MYO16: variants seen among roughly 807,000 people sequenced by gnomAD.
The protein encoded by MYO16 is myosin XVI.
Under a neutral mutation model 205.3 loss-of-function variants are expected in MYO16, and 94 were observed. The ratio of observed to expected loss-of-function variants is 0.46; its 90% CI spans 0.39 to 0.54. The LOEUF (loss-of-function observed/expected upper bound fraction) is 0.54. MYO16 is among the 20% of genes least tolerant of loss of function. MYO16 has a pLI of 0.00. For missense variants in MYO16, 2,315 were observed against 2,387.5 expected, an observed-to-expected ratio of 0.97 and a Z score of 0.63; for synonymous variants, 988 against 954.0, an observed-to-expected ratio of 1.04 and a Z score of -0.66.
intron 23 of MYO16, among the ~76,000 whole-genome samples, chr13:109,029,116 T>TTC (rs1886467349): frequency 7.1e-6 from 1 of 141,138 alleles, no homozygotes; most frequent in Non-Finnish European, 1.5e-5. Context: ...TCTTTTCTTT[T>TTC]TTTTTTTTTT....
intron 1 of MYO16, among the ~76,000 whole-genome samples, chr13:108,660,641 C>G (rs931520435): frequency 1.3e-5 from 2 of 152,078 alleles, no homozygotes; most frequent in Admixed American, 6.6e-5. Context: ...TTTTTCCACC[C>G]CTTTACTTTA....
At chr13:108,937,610 T>C (rs1365231690) in intron 16 of MYO16, among the ~76,000 whole-genome samples, 5 of 152,204 alleles carry the variant, frequency 3.3e-5, no homozygotes, top group Admixed American at 2.6e-4. Flanking sequence ...CTCAAAAGAC[T>C]GGCTTTCAAG....
chr13:108,650,603 C>A (rs1248094906), intron 1 of MYO16, among the ~76,000 whole-genome samples: 1 of 152,184 alleles, frequency 6.6e-6, no homozygotes, highest in Non-Finnish European at 1.5e-5. Context: ...GGTAGAGCAT[C>A]TAAATTTATT....
chr13:108,827,683 A>G (rs1594324332), intron 9 of MYO16, among the ~76,000 whole-genome samples: 3 of 152,218 alleles, frequency 2.0e-5, no homozygotes, highest in South Asian at 2.1e-4. Flanking sequence ...TCTTCCTTCC[A>G]TACTTGACTG....
intron 31 of MYO16, among the ~76,000 whole-genome samples, chr13:109,136,146 T>G (rs1179309974): frequency 6.6e-6 from 1 of 151,928 alleles, no homozygotes. Flanking sequence ...CAGGCTGGAA[T>G]GCAGTGGCGC....
intron 15 of MYO16, 125 bp from the exon 16 acceptor site, chr13:108,909,867 AAAATAAAATGT>A (rs1881175249): frequency 1.1e-6 from 1 of 950,806 alleles, no homozygotes; most frequent in African/African-American, 1.7e-5. Context: ...AAAAGACAAT[AAAATAAAATGT>A]AAATAGATGG....
At chr13:108,746,441 T>A (rs1487791551) in intron 4 of MYO16, among the ~76,000 whole-genome samples, 3 of 151,904 alleles carry the variant, frequency 2.0e-5, no homozygotes, top group African/African-American at 4.8e-5. Context: ...ATAGAAGAAA[T>A]AAGATGTAGA....
At chr13:108,613,352 A>G (rs1290328471) in intron 1 of MYO16, among the ~76,000 whole-genome samples, 2 of 152,176 alleles carry the variant, frequency 1.3e-5, no homozygotes, top group Non-Finnish European at 1.5e-5. Context: ...AAGACATTCT[A>G]AAATTTATCT....
chr13:108,712,887 TATTA>T (rs1566565531), intron 3 of MYO16, among the ~76,000 whole-genome samples, 156 bp downstream of exon 3: 1 of 152,254 alleles, frequency 6.6e-6, no homozygotes, highest in Non-Finnish European at 1.5e-5. Flanking sequence ...CTGCAATTAT[TATTA>T]ATTACTGTAT....
intron 23 of MYO16, among the ~76,000 whole-genome samples, chr13:109,022,225 T>TTA (rs1183550111): frequency 1.4e-4 from 19 of 133,304 alleles, no homozygotes; most frequent in Non-Finnish European, 2.6e-4. Flanking sequence ...TATTTATATA[T>TTA]TATATATATG....
At chr13:108,771,918 T>C (rs971322800) in intron 4 of MYO16, among the ~76,000 whole-genome samples, 2 of 152,212 alleles carry the variant, frequency 1.3e-5, no homozygotes, top group African/African-American at 4.8e-5. Context: ...CTTGGTTGCT[T>C]CTAAGTTTTG....
chr13:108,531,686 A>G, the MYO16 span, among the ~76,000 whole-genome samples: 3 of 151,942 alleles, frequency 2.0e-5, no homozygotes, highest in Non-Finnish European at 4.4e-5. Context: ...GACAGTTGAC[A>G]TATGCTTTAC....
At chr13:108,911,785 TG>T (rs1395732733) in intron 16 of MYO16, among the ~76,000 whole-genome samples, 1 of 152,100 alleles carries the variant, frequency 6.6e-6, no homozygotes, top group Middle Eastern at 3.2e-3. Context: ...TTAGCACTCA[TG>T]GTAATGGTGG....
intron 1 of MYO16, among the ~76,000 whole-genome samples, chr13:108,617,566 C>A (rs144253507): frequency 6.6e-6 from 1 of 152,110 alleles, no homozygotes; most frequent in East Asian, 1.9e-4. Flanking sequence ...TTCACAGGTA[C>A]GGGCTTTCAT....
At chr13:108,673,712 C>A (rs1211083340) in intron 2 of MYO16, among the ~76,000 whole-genome samples, 1 of 152,138 alleles carries the variant, frequency 6.6e-6, no homozygotes. Flanking sequence ...TCCCCCACTG[C>A]ATCGACCTCA....
At chr13:109,122,202 A>G (rs900637341) in intron 29 of MYO16, among the ~76,000 whole-genome samples, 2 of 152,230 alleles carry the variant, frequency 1.3e-5, no homozygotes, top group Admixed American at 1.3e-4. Context: ...CGCTAAAGAC[A>G]GAACAGGGTA....
chr13:109,103,340 G>A (rs139149980), intron 28 of MYO16, among the ~76,000 whole-genome samples: 5 of 152,194 alleles, frequency 3.3e-5, no homozygotes, highest in South Asian at 2.1e-4. Flanking sequence ...AGGTTGTATC[G>A]GATGGTTATT....
chr13:108,662,416 A>G lies in MYO16; in HGVS notation c.29-3470A>G, dbSNP rs182525133. ...AGGACCATTAAGTGGGAACAAGGCT[A>G]GGTGTGACTGAGCTTAGACTCTCCT... On this transcript the variant is annotated intron_variant, in intron 1 of 34. Coordinates refer to ENST00000457511, the MANE Select transcript of MYO16 (RefSeq NM_001198950.3). Among the ~76,000 whole-genome samples the G allele has an allele frequency of 3.3e-5, 5 of 152,262 alleles. No individual in the cohort carries two copies. In the East Asian group the frequency reaches 9.7e-4, roughly 30 times the overall value.
In MYO16 at chr13:109,118,632, A is replaced by G. The variant is rs887753127; in HGVS notation, c.3439-1738A>G. 4.5e-4 allele frequency among the ~76,000 whole-genome samples: 69 copies of G among 152,328 alleles called. 1 individual carries two copies. Among genetic ancestry groups the G allele is most frequent in the Middle Eastern group, 3.4e-3 (1 of 294 alleles). On this transcript the variant is annotated intron_variant, in intron 28 of 34. Coordinates refer to ENST00000457511, the MANE Select transcript of MYO16 (RefSeq NM_001198950.3). ...TGTCTTTGGGAGTTAGTCTCCCACA[A>G]TGAGTTACATCCCACAATCAATGAT...
Sources: gnomAD v4.1 joint callset for allele counts (sites outside exome capture counted in the v4.1 genomes callset) on GRCh38, gnomAD v4.1.1 for gene constraint, MANE v1.5 for transcripts, NCBI Gene and HGNC (gene_info 2026-07-23, HGNC 2026-07-21) for gene names.